PHACTR3: variants seen among roughly 807,000 people sequenced by gnomAD.
The protein encoded by PHACTR3 is phosphatase and actin regulator 3, also known as protein phosphatase 1, regulatory subunit 123.
Under a neutral mutation model 66.8 loss-of-function variants are expected in PHACTR3, and 16 were observed. That is an observed-to-expected ratio of 0.24 (90% confidence interval 0.16 to 0.36). The LOEUF (loss-of-function observed/expected upper bound fraction) is 0.36. Ranked by LOEUF, PHACTR3 falls within the 10% of genes least tolerant of loss-of-function variation. The pLI is 1.00. For synonymous variants in PHACTR3, 323 were observed against 292.1 expected (o/e 1.11, Z -1.08); for missense variants, 647 against 719.9 (o/e 0.90, Z 1.16).
intron 7 of PHACTR3, among the ~76,000 whole-genome samples, chr20:59,793,779 A>G (rs1304472837): frequency 6.6e-6 from 1 of 151,700 alleles, no homozygotes; most frequent in Admixed American, 6.6e-5. Context: ...CTGTAGCCTA[A>G]TTGCTCTGGC....
At chr20:59,846,782 C>T (rs192305819) in intron 12 of PHACTR3, among the ~76,000 whole-genome samples, 11 of 152,258 alleles carry the variant, frequency 7.2e-5, no homozygotes, top group African/African-American at 2.6e-4. Flanking sequence ...CATAACTCTA[C>T]TATAATTTTC....
intron 7 of PHACTR3, among the ~76,000 whole-genome samples, chr20:59,785,369 C>G (rs1303842529): frequency 6.6e-6 from 1 of 152,178 alleles, no homozygotes; most frequent in Non-Finnish European, 1.5e-5. Context: ...TAGTTACCTC[C>G]TTACAGGCCC....
At chr20:59,663,532 C>T (rs1446260626) in intron 1 of PHACTR3, among the ~76,000 whole-genome samples, 1 of 152,226 alleles carries the variant, frequency 6.6e-6, no homozygotes, top group Non-Finnish European at 1.5e-5. Context: ...TCGGTTCACT[C>T]TTACTTAGTG....
At chr20:59,583,388 A>AT (rs1396582494) in intron 1 of PHACTR3, among the ~76,000 whole-genome samples, 1 of 152,158 alleles carries the variant, frequency 6.6e-6, no homozygotes, top group Non-Finnish European at 1.5e-5. Flanking sequence ...CTCAGAGCAG[A>AT]TTTTGGGCAA....
intron 1 of PHACTR3, among the ~76,000 whole-genome samples, chr20:59,649,315 A>G (rs1484430145): frequency 1.3e-5 from 2 of 152,206 alleles, no homozygotes; most frequent in African/African-American, 4.8e-5. Context: ...AGATATGTGT[A>G]TTTTCCTTAA....
chr20:59,761,424 G>A (rs1220153463), intron 4 of PHACTR3, among the ~76,000 whole-genome samples: 1 of 152,196 alleles, frequency 6.6e-6, no homozygotes, highest in Non-Finnish European at 1.5e-5. Flanking sequence ...TGTGCTGGGT[G>A]TACGGGGGTG....
chr20:59,797,244 A>G (rs973461677), intron 7 of PHACTR3, among the ~76,000 whole-genome samples: 1 of 152,038 alleles, frequency 6.6e-6, no homozygotes, highest in Admixed American at 6.6e-5. Context: ...TCCTGATTTC[A>G]TTGAATTTTC....
At chr20:59,586,340 G>C (rs888373678) in intron 1 of PHACTR3, among the ~76,000 whole-genome samples, 1 of 152,236 alleles carries the variant, frequency 6.6e-6, no homozygotes, top group African/African-American at 2.4e-5. Context: ...ACAGCTGTAT[G>C]AACTGCACAT....
At chr20:59,597,802 G>C (rs1889337186) in intron 1 of PHACTR3, among the ~76,000 whole-genome samples, 1 of 152,200 alleles carries the variant, frequency 6.6e-6, no homozygotes, top group African/African-American at 2.4e-5. Flanking sequence ...AGGGTCACAG[G>C]CTGGCTGCTG....
intron 7 of PHACTR3, among the ~76,000 whole-genome samples, chr20:59,785,061 G>A (rs1282953547): frequency 2.0e-5 from 3 of 152,308 alleles, no homozygotes; most frequent in South Asian, 2.1e-4. Context: ...GCCATGAGGA[G>A]GCTCAGGCAG....
At chr20:59,609,108 G>T (rs2033769783) in intron 1 of PHACTR3, among the ~76,000 whole-genome samples, 1 of 152,224 alleles carries the variant, frequency 6.6e-6, no homozygotes, top group Non-Finnish European at 1.5e-5. Context: ...AGTGCTTGGA[G>T]GGAGAGCAAA....
At chr20:59,660,338 CA>C (rs2035766339) in intron 1 of PHACTR3, among the ~76,000 whole-genome samples, 1 of 152,166 alleles carries the variant, frequency 6.6e-6, no homozygotes, top group African/African-American at 2.4e-5. Context: ...ACTAAAAATA[CA>C]AAAAATTAGC....
chr20:59,822,539 C>T (rs1207933471), intron 8 of PHACTR3, among the ~76,000 whole-genome samples: 13 of 151,794 alleles, frequency 8.6e-5, no homozygotes, highest in Admixed American at 8.5e-4. Context: ...CAGGTGGCTT[C>T]CAGCATCCCC....
In PHACTR3 at chr20:59,804,550, C is replaced by T. The variant is rs1204786402; in HGVS notation, c.1175-1491C>T. Among the ~76,000 whole-genome samples, 6 of 152,264 alleles carry T rather than the reference C, an allele frequency of 3.9e-5. No individual in the cohort carries two copies. In the East Asian group the frequency reaches 9.6e-4, roughly 24 times the overall value. On this transcript the variant is annotated intron_variant, in intron 7 of 12. Coordinates refer to ENST00000371015, the MANE Select transcript of PHACTR3 (RefSeq NM_080672.5). ...GACTTCCTGCATTCATGAATGTCAC[C>T]GTCGCATTCAGTCTCTCTCATAACA...
At chr20:59,841,659 A>C (rs918427584) in intron 11 of PHACTR3, 124 bp downstream of exon 11, 84 of 997,764 alleles carry the variant, frequency 8.4e-5, no homozygotes, top group Middle Eastern at 5.5e-4. Flanking sequence ...ACTGCAGTAA[A>C]TATTGGTTTC....
In PHACTR3 at chr20:59,775,685, G is replaced by A. The variant is rs146441173; in HGVS notation, c.1174+1195G>A. ...CTAGGAGCTGGTCACTGGCCTGAGG[G>A]CACCAACCTCTCTGAAGAGGCTGGA... On this transcript the variant is annotated intron_variant, in intron 7 of 12. Transcript: ENST00000371015. Among the ~76,000 whole-genome samples, 1,064 of 152,270 alleles carry A rather than the reference G, an allele frequency of 7.0e-3. 15 individuals carry two copies. The highest frequency in any genetic ancestry group is 0.025 in the African/African-American group (1,029 of 41,558).
chr20:59,613,805 G>T (rs909132779), intron 1 of PHACTR3, among the ~76,000 whole-genome samples: 1 of 152,298 alleles, frequency 6.6e-6, no homozygotes, highest in Admixed American at 6.5e-5. Context: ...AGAAATTAAA[G>T]GTTGGACTAA....
At chr20:59,688,045 A>T (rs1344263634) in intron 1 of PHACTR3, among the ~76,000 whole-genome samples, 1 of 152,168 alleles carries the variant, frequency 6.6e-6, no homozygotes, top group Admixed American at 6.5e-5. Flanking sequence ...CTTGACGGGC[A>T]TGGGGTCTTG....
chr20:59,604,475 T>G (rs918494545), upstream of PHACTR3: 2 of 359,718 alleles, frequency 5.6e-6, no homozygotes, highest in African/African-American at 4.4e-5. Flanking sequence ...GACGTCATGC[T>G]CCTCTCGCGC....
Sources: gnomAD v4.1 joint callset for allele counts (sites outside exome capture counted in the v4.1 genomes callset) on GRCh38, gnomAD v4.1.1 for gene constraint, MANE v1.5 for transcripts, NCBI Gene and HGNC (gene_info 2026-07-23, HGNC 2026-07-21) for gene names.